Variants in SAMSN1 observed in about 807,000 individuals in gnomAD.
SAMSN1 encodes the protein SAM domain, SH3 domain and nuclear localization signals 1.
Under a neutral mutation model 42.0 loss-of-function variants are expected in SAMSN1, and 31 were observed. That is an observed-to-expected ratio of 0.74 (90% confidence interval 0.55 to 1.00). The LOEUF (loss-of-function observed/expected upper bound fraction) is 1.00, where lower values mean the gene tolerates loss of function less well. SAMSN1 is among the 50% of genes least tolerant of loss of function. The probability of loss-of-function intolerance (pLI) is 0.00; values close to 1 mark genes in which losing one functional copy is unlikely to be tolerated. For missense variants in SAMSN1, 464 were observed against 439.4 expected (o/e 1.06, Z -0.50); for synonymous variants, 178 against 151.9 (o/e 1.17, Z -1.26).
At chr21:14,653,086 C>T (rs1983861703) in intron 1 of SAMSN1, among the ~76,000 whole-genome samples, 1 of 151,826 alleles carries the variant, frequency 6.6e-6, no homozygotes, top group Non-Finnish European at 1.5e-5. Context: ...TCACTGTTGG[C>T]GGGAATATAA....
chr21:14,618,089 GT>G (rs1982891318), intron 2 of SAMSN1, among the ~76,000 whole-genome samples: 1 of 152,302 alleles, frequency 6.6e-6, no homozygotes, highest in African/African-American at 2.4e-5. Context: ...TACTATGTAT[GT>G]TGTCACAATA....
At chr21:14,609,640 A>G (rs1201161639) in intron 4 of SAMSN1, 3 of 711,306 alleles carry the variant, frequency 4.2e-6, no homozygotes, top group Non-Finnish European at 7.9e-6. Context: ...GACATTTGAA[A>G]TCAAAACAAG....
chr21:14,535,089 G>C (rs562622675), intron 1 of SAMSN1, among the ~76,000 whole-genome samples: 6 of 152,270 alleles, frequency 3.9e-5, no homozygotes, highest in Non-Finnish European at 7.4e-5. Context: ...TCAGGAACAC[G>C]GGCCTCACTC....
rs537902928 is a variant in SAMSN1, at chr21:14,614,243, T to G, written c.198-1330A>C. The stretch of plus-strand genomic sequence containing the variant: ...AATAACATACACTGAAGCATGAAAT[T>G]ATGTGTCTGGCATCTGCTTTATTAA... On this transcript the variant is annotated intron_variant, in intron 3 of 15. Transcript: ENST00000647101. Among the ~76,000 whole-genome samples the G allele has an allele frequency of 1.9e-3, 283 of 152,282 alleles. 1 individual carries two copies. The highest frequency in any genetic ancestry group is 0.013 in the South Asian group (61 of 4,826).
At chr21:14,599,573 G>A (rs1982374547) in intron 6 of SAMSN1, among the ~76,000 whole-genome samples, 1 of 152,178 alleles carries the variant, frequency 6.6e-6, no homozygotes, top group African/African-American at 2.4e-5. Flanking sequence ...GGGTTATGGG[G>A]CTGAATCCTT....
chr21:14,525,400 T>C (rs1320386895), intron 1 of SAMSN1, among the ~76,000 whole-genome samples: 1 of 151,784 alleles, frequency 6.6e-6, no homozygotes, highest in Non-Finnish European at 1.5e-5. Flanking sequence ...GACAAGAAAA[T>C]ACAGAGCAAA....
chr21:14,520,562 G>T (rs1432154933), intron 2 of SAMSN1, among the ~76,000 whole-genome samples: 2 of 152,066 alleles, frequency 1.3e-5, no homozygotes, highest in East Asian at 3.9e-4. Context: ...TACTTTTAAT[G>T]CCCTGCACGG....
chr21:14,627,949 C>G (rs1222185731), intron 2 of SAMSN1, among the ~76,000 whole-genome samples: 2 of 152,064 alleles, frequency 1.3e-5, no homozygotes, highest in Non-Finnish European at 2.9e-5. Flanking sequence ...TGGGGAGCAC[C>G]ATTTCTCCTT....
chr21:14,635,111 C>T (rs1176974333), intron 2 of SAMSN1, among the ~76,000 whole-genome samples: 11 of 152,078 alleles, frequency 7.2e-5, no homozygotes, highest in Non-Finnish European at 1.5e-5. Context: ...TGTTCTCACT[C>T]ATAAGTGGGA....
intron 3 of SAMSN1, among the ~76,000 whole-genome samples, chr21:14,516,495 G>A (rs890882402): frequency 1.3e-5 from 2 of 152,130 alleles, no homozygotes; most frequent in African/African-American, 4.8e-5. Flanking sequence ...GGGTTCAAGC[G>A]ATTCTCCTTC....
chr21:14,618,705 C>CGT (rs1568832903), intron 2 of SAMSN1, among the ~76,000 whole-genome samples: 1 of 100,476 alleles, frequency 1.0e-5, no homozygotes, highest in South Asian at 2.9e-4. Flanking sequence ...CGCGCGCGCA[C>CGT]GCGCGTGTGT....
At chr21:14,583,325 T>G in exon 1 of SAMSN1, 1 of 214,442 alleles carries the variant, frequency 4.7e-6, no homozygotes. Context: ...CATACCAATT[T>G]GTTATGCTTA....
At chr21:14,540,462 C>T (rs1226958858) in intron 1 of SAMSN1, among the ~76,000 whole-genome samples, 1 of 151,990 alleles carries the variant, frequency 6.6e-6, no homozygotes, top group Non-Finnish European at 1.5e-5. Context: ...AACAAACAAC[C>T]CCATCAAAAA....
intron 5 of SAMSN1, among the ~76,000 whole-genome samples, chr21:14,509,955 C>T (rs964253173): frequency 2.0e-5 from 3 of 151,826 alleles, no homozygotes; most frequent in Non-Finnish European, 4.4e-5. Flanking sequence ...CTGGCTAACA[C>T]GGTGAAACCC....
intron 1 of SAMSN1, among the ~76,000 whole-genome samples, chr21:14,658,345 T>C (rs1983948182): frequency 6.6e-6 from 1 of 151,840 alleles, no homozygotes; most frequent in Non-Finnish European, 1.5e-5. Flanking sequence ...AAGGAATTCA[T>C]TACTCAAGGA....
chr21:14,563,091 C>T (rs192052721), intron 2 of SAMSN1, among the ~76,000 whole-genome samples: 7 of 152,266 alleles, frequency 4.6e-5, no homozygotes, highest in Admixed American at 3.3e-4. Context: ...TATATCTTTA[C>T]TGAAATGACC....
At chr21:14,550,041 A>G (rs1466791041), upstream of SAMSN1, among the ~76,000 whole-genome samples, 1 of 152,092 alleles carries the variant, frequency 6.6e-6, no homozygotes, top group Non-Finnish European at 1.5e-5. Flanking sequence ...GCCAAGCTAT[A>G]TAGAGGGGCC....
chr21:14,637,964 G>T (rs886316369), intron 2 of SAMSN1, among the ~76,000 whole-genome samples: 1 of 152,128 alleles, frequency 6.6e-6, no homozygotes, highest in African/African-American at 2.4e-5. Context: ...TGAGTGTAGT[G>T]ACACCAATTA....
chr21:14,630,067 C>T (rs1249191753), intron 2 of SAMSN1, among the ~76,000 whole-genome samples: 1 of 151,950 alleles, frequency 6.6e-6, no homozygotes, highest in Non-Finnish European at 1.5e-5. Context: ...AGCAAACTTG[C>T]AAAAAAATGT....
Sources: allele counts gnomAD v4.1 joint callset (sites outside exome capture counted in the v4.1 genomes callset), GRCh38; gene constraint gnomAD v4.1.1; transcripts MANE v1.5; gene names NCBI Gene and HGNC (gene_info 2026-07-23, HGNC 2026-07-21).